Variants in ZNRF3 observed in about 807,000 individuals in gnomAD.
ZNRF3 encodes zinc and ring finger 3, also known as E3 ubiquitin-protein ligase ZNRF3.
In ZNRF3, 23 loss-of-function variants were observed where a neutral mutation model predicts 72.5. The observed-to-expected ratio is 0.32, with a 90% CI of 0.23 to 0.45. ZNRF3 has a LOEUF of 0.45. ZNRF3 is among the 20% of genes least tolerant of loss of function. The probability of loss-of-function intolerance (pLI) is 1.00; values close to 1 mark genes in which losing one functional copy is unlikely to be tolerated. For synonymous variants in ZNRF3, 610 were observed against 545.3 expected (o/e 1.12, Z -1.65); for missense variants, 1,169 against 1,272.1 (o/e 0.92, Z 1.23).
chr22:28,980,524 G>A (rs1396599631), intron 1 of ZNRF3, among the ~76,000 whole-genome samples: 1 of 152,126 alleles, frequency 6.6e-6, no homozygotes, highest in African/African-American at 2.4e-5. Context: ...GGAGTGAGAG[G>A]GTAAGAGCCA....
chr22:29,043,408 G>A lies in ZNRF3; in HGVS notation c.611G>A (p.Arg204Lys). The A allele has an allele frequency of 6.2e-7, 1 of 1,613,766 alleles. No homozygotes were observed. The highest frequency in any genetic ancestry group is 8.5e-7 in the Non-Finnish European group (1 of 1,180,006). Reference protein sequence around the residue: ...IVNKQKVARARIQHRPPRQPT... With the variant: ...IVNKQKVARAKIQHRPPRQPT... Reference sequence around the variant, plus strand: ...AACAAGCAGAAAGTGGCTCGAGCAAGGATCCAGCACCGCCCTCCTCGAGTG... The same window carrying A: ...AACAAGCAGAAAGTGGCTCGAGCAAAGATCCAGCACCGCCCTCCTCGAGTG... Residue 204 changes from arginine to lysine, a missense_variant, in exon 4 of 9, where the codon AGG (arginine) becomes AAG (lysine). Physicochemically the swap from Arg to Lys is conservative, Grantham distance 26. Coordinates refer to ENST00000544604, the MANE Select transcript of ZNRF3 (RefSeq NM_001206998.2).
At chr22:28,897,382 G>A (rs553488376) in intron 1 of ZNRF3, among the ~76,000 whole-genome samples, 31 of 152,296 alleles carry the variant, frequency 2.0e-4, no homozygotes, top group African/African-American at 6.5e-4. Flanking sequence ...GTACAGTGAC[G>A]TGATCTCCGT....
intron 1 of ZNRF3, among the ~76,000 whole-genome samples, chr22:28,943,942 G>A (rs548536772): frequency 8.6e-5 from 13 of 151,902 alleles, no homozygotes; most frequent in African/African-American, 2.9e-4. Flanking sequence ...TGTTTAGCTC[G>A]GTGGATTTGC....
chr22:28,932,683 A>G (rs532443841), intron 1 of ZNRF3, among the ~76,000 whole-genome samples: 1 of 152,332 alleles, frequency 6.6e-6, no homozygotes. Context: ...AAGCCTGGGC[A>G]GAGCTGACCC....
intron 1 of ZNRF3, among the ~76,000 whole-genome samples, chr22:28,976,408 A>G (rs1449234931): frequency 3.9e-5 from 6 of 152,114 alleles, no homozygotes; most frequent in Admixed American, 3.9e-4. Context: ...TGTAATCCCA[A>G]CTACCTGGGG....
In ZNRF3 at chr22:28,899,689, C is replaced by CTT. The variant is rs200411431; in HGVS notation, c.300+15625_300+15626dup. Among the ~76,000 whole-genome samples the CTT allele has an allele frequency of 3.2e-4, 45 of 140,736 alleles. No individual in the cohort carries two copies. In the East Asian group the frequency reaches 7.5e-3, roughly 23 times the overall value. The allele number at this position is 140,736 out of a possible 152,430, so 92.3% of individuals were successfully genotyped here. On this transcript the variant is annotated intron_variant, in intron 1 of 8. Transcript: ENST00000544604. Reference sequence around the variant, plus strand: ...ATTTTCTTTCTTTTCTTCTTTCTTTCTTTCTTTTTTTTTTTTTTTTAAGAC... The same window carrying CTT: ...ATTTTCTTTCTTTTCTTCTTTCTTTCTTTTTCTTTTTTTTTTTTTTTTAAGAC...
intron 1 of ZNRF3, among the ~76,000 whole-genome samples, chr22:28,942,795 T>C (rs2034970640): frequency 6.6e-6 from 1 of 152,152 alleles, no homozygotes; most frequent in Non-Finnish European, 1.5e-5. Flanking sequence ...GCCCTCAGAT[T>C]CCCCTATTTA....
At position 29,030,049 on chromosome 22, in the gene ZNRF3, T is replaced by G. The variant is rs2123869828; in HGVS notation, c.427-12446T>G. The stretch of plus-strand genomic sequence containing the variant: ...TCCAGGTTCTTCCAAAAGCTTATCT[T>G]CCAGGCATAGGCAGGTAATGAAACA... On this transcript the variant is annotated intron_variant, in intron 2 of 8. Coordinates refer to ENST00000544604, the MANE Select transcript of ZNRF3 (RefSeq NM_001206998.2). The surrounding 1 kb of genome is among the most constrained non-coding windows in gnomAD (Gnocchi z 4.2). Among the ~76,000 whole-genome samples, 1 of 152,342 alleles carries G rather than the reference T, an allele frequency of 6.6e-6. No individual in the cohort carries two copies. Among genetic ancestry groups the G allele is most frequent in the South Asian group, 2.1e-4 (1 of 4,828 alleles).
In ZNRF3 at chr22:28,942,657, G is replaced by A. The variant is rs561459076; in HGVS notation, c.301-44419G>A. ...TATGATTCTTAGGGGTCCGTGCTAC[G>A]TCTGAGGTTAGAGATCTCAGATGTG... is the stretch of plus-strand genomic sequence containing the variant. On this transcript the variant is annotated intron_variant, in intron 1 of 8. Coordinates refer to ENST00000544604, the MANE Select transcript of ZNRF3 (RefSeq NM_001206998.2). Among the ~76,000 whole-genome samples, 26 of 152,310 alleles carry A rather than the reference G, an allele frequency of 1.7e-4. No individual in the cohort carries two copies. In the South Asian group the frequency reaches 4.3e-3, roughly 25 times the overall value.
intron 1 of ZNRF3, among the ~76,000 whole-genome samples, chr22:28,949,583 T>G (rs1035346730): frequency 6.6e-6 from 1 of 152,234 alleles, no homozygotes; most frequent in Admixed American, 6.5e-5. Context: ...CGGCCAAAAA[T>G]TCACATTTGT....
chr22:28,931,667 A>C (rs2034709817), intron 1 of ZNRF3, among the ~76,000 whole-genome samples: 3 of 152,040 alleles, frequency 2.0e-5, no homozygotes, highest in African/African-American at 2.4e-5. Context: ...CCATCTGTCC[A>C]CCTACCCATC....
At chr22:28,897,613 C>T (rs1011660090) in intron 1 of ZNRF3, among the ~76,000 whole-genome samples, 1 of 152,268 alleles carries the variant, frequency 6.6e-6, no homozygotes, top group African/African-American at 2.4e-5. Flanking sequence ...AGCCACCGCA[C>T]CTGGCCTGTG....
intron 1 of ZNRF3, among the ~76,000 whole-genome samples, chr22:28,937,203 ATATATATATATATTTTTT>A (rs1318772265): frequency 2.1e-4 from 2 of 9,572 alleles, no homozygotes; most frequent in African/African-American, 7.0e-4. Flanking sequence ...ATATATATAT[ATATATATATATATTTTTT>A]TTTTTTTTTT....
chr22:28,962,815 G>A (rs996393720), intron 1 of ZNRF3, among the ~76,000 whole-genome samples: 2 of 152,174 alleles, frequency 1.3e-5, no homozygotes, highest in African/African-American at 4.8e-5. Context: ...AATTTGGTAC[G>A]TACATTCTTT....
At chr22:28,909,894 C>T (rs375251552) in intron 1 of ZNRF3, among the ~76,000 whole-genome samples, 1 of 151,608 alleles carries the variant, frequency 6.6e-6, no homozygotes, top group Non-Finnish European at 1.5e-5. Context: ...TGGCTGGTCA[C>T]GCCCAGCTAA....
intron 1 of ZNRF3, among the ~76,000 whole-genome samples, chr22:28,950,720 A>C (rs960202532): frequency 7.2e-5 from 11 of 152,248 alleles, no homozygotes; most frequent in African/African-American, 2.7e-4. Flanking sequence ...GTTCAGGCCC[A>C]GGCCAGTGGC....
chr22:29,043,135 G>C (rs928523916), intron 3 of ZNRF3, among the ~76,000 whole-genome samples, 164 bp from the exon 4 acceptor site: 4 of 152,054 alleles, frequency 2.6e-5, no homozygotes, highest in Admixed American at 6.6e-5. Context: ...CAAAACAAGC[G>C]TCATTCTCAG....
At chr22:28,892,253 C>A (rs1285010745) in intron 1 of ZNRF3, among the ~76,000 whole-genome samples, 1 of 152,212 alleles carries the variant, frequency 6.6e-6, no homozygotes, top group East Asian at 1.9e-4. Flanking sequence ...AAGAGTAAGA[C>A]TTGGTCCCTG....
At chr22:28,966,832 T>C (rs1367784010) in intron 1 of ZNRF3, among the ~76,000 whole-genome samples, 1 of 151,580 alleles carries the variant, frequency 6.6e-6, no homozygotes, top group East Asian at 1.9e-4. Flanking sequence ...ATAAATTTAG[T>C]GTAGCCTAAG....
Sources: gnomAD v4.1 joint callset for allele counts (sites outside exome capture counted in the v4.1 genomes callset) on GRCh38, gnomAD v4.1.1 for gene constraint, Gnocchi (gnomAD v3.1) non-coding constraint, MANE v1.5 for transcripts, NCBI Gene and HGNC (gene_info 2026-07-23, HGNC 2026-07-21) for gene names.